PTPRK: variants seen among roughly 807,000 people sequenced by gnomAD.
The protein encoded by PTPRK is protein tyrosine phosphatase receptor type K.
PTPRK carries 75 observed loss-of-function variants against 178.0 expected under a neutral mutation model. The observed-to-expected ratio is 0.42, with a 90% confidence interval of 0.35 to 0.51. The LOEUF is 0.51. Ranked by LOEUF, PTPRK falls within the 20% of genes least tolerant of loss-of-function variation. The probability of loss-of-function intolerance (pLI) is 0.02; values close to 1 mark genes in which losing one functional copy is unlikely to be tolerated. For synonymous variants in PTPRK, 637 were observed against 620.6 expected (o/e 1.03, Z -0.39); for missense variants, 1,441 against 1,797.8 (o/e 0.80, Z 3.59).
chr6:128,417,845 G>A (rs566471941), intron 1 of PTPRK, among the ~76,000 whole-genome samples: 21 of 152,224 alleles, frequency 1.4e-4, no homozygotes, highest in African/African-American at 3.9e-4. Context: ...AAAAAGGAAC[G>A]TGGTCCTTTT....
chr6:128,490,872 A>G (rs1853664547), intron 1 of PTPRK, among the ~76,000 whole-genome samples: 2 of 152,070 alleles, frequency 1.3e-5, no homozygotes, highest in African/African-American at 2.4e-5. Context: ...TTCTGTCTTC[A>G]TTTCTGTGAA....
At position 128,067,857 on chromosome 6, in the gene PTPRK, A is replaced by G; in HGVS notation, c.1884-65T>C. The G allele has an allele frequency of 2.1e-6, 3 of 1,404,978 alleles. No homozygotes were observed. In the East Asian group the frequency reaches 7.2e-5, roughly 34 times the overall value. 87.0% of individuals were successfully genotyped at this position (1,404,978 alleles called of 1,614,324 possible). ...CACATATTTAGAGATTTAAGATACT[A>G]AGATTTTTTTTAAGGGGTTGACTAT... is the stretch of plus-strand genomic sequence containing the variant. On this transcript the variant is annotated intron_variant, in intron 11 of 29. Transcript: ENST00000368226.
intron 2 of PTPRK, among the ~76,000 whole-genome samples, chr6:128,397,338 GA>G (rs1460019647): frequency 6.7e-6 from 1 of 150,024 alleles, no homozygotes; most frequent in Non-Finnish European, 1.5e-5. Context: ...TTATTAAATA[GA>G]AAAAAACACT....
At chr6:128,358,985 A>G (rs1451898413) in intron 2 of PTPRK, among the ~76,000 whole-genome samples, 1 of 152,134 alleles carries the variant, frequency 6.6e-6, no homozygotes, top group Non-Finnish European at 1.5e-5. Flanking sequence ...TGTGATACTT[A>G]TTGCTCCCGG....
At chr6:128,418,503 G>T (rs1408457890) in intron 1 of PTPRK, among the ~76,000 whole-genome samples, 1 of 152,160 alleles carries the variant, frequency 6.6e-6, no homozygotes, top group Non-Finnish European at 1.5e-5. Context: ...CACATGTGAG[G>T]GATCTAGGTT....
intron 2 of PTPRK, among the ~76,000 whole-genome samples, chr6:128,361,995 G>A (rs530384046): frequency 1.3e-4 from 20 of 152,056 alleles, no homozygotes; most frequent in African/African-American, 4.3e-4. Flanking sequence ...TTTATCTTTC[G>A]TATCTTAGAG....
At chr6:128,071,553 T>C (rs1782830399) in intron 11 of PTPRK, among the ~76,000 whole-genome samples, 1 of 152,086 alleles carries the variant, frequency 6.6e-6, no homozygotes, top group South Asian at 2.1e-4. Flanking sequence ...ATATGAAAAG[T>C]ATCTTTCCTT....
chr6:128,357,515 G>A (rs905524123), intron 2 of PTPRK, among the ~76,000 whole-genome samples: 1 of 152,122 alleles, frequency 6.6e-6, no homozygotes, highest in Non-Finnish European at 1.5e-5. Flanking sequence ...AGGTCTAGGT[G>A]GGGACCCCAG....
chr6:128,016,160 C>T (rs1779569244), intron 13 of PTPRK, among the ~76,000 whole-genome samples: 2 of 151,696 alleles, frequency 1.3e-5, no homozygotes, highest in South Asian at 4.2e-4. Context: ...TTACAAAAGA[C>T]AGATTAAGAA....
chr6:128,368,709 G>C (rs550146072), intron 2 of PTPRK, among the ~76,000 whole-genome samples: 57 of 152,148 alleles, frequency 3.7e-4, no homozygotes, highest in Non-Finnish European at 6.5e-4. Context: ...AAGTAGCTAC[G>C]TGCTCTTCAC....
intron 2 of PTPRK, among the ~76,000 whole-genome samples, chr6:128,342,311 C>A (rs540055385): frequency 1.1e-3 from 171 of 151,994 alleles, no homozygotes; most frequent in African/African-American, 3.2e-3. Context: ...AGCACACACA[C>A]AAAAAAATTT....
At position 128,009,265 on chromosome 6, in the gene PTPRK, G is replaced by T; in HGVS notation, c.2198C>A (p.Ala733Glu). The change falls in exon 14 of 30, where the codon GCA (alanine) becomes GAA (glutamate). Residue 733 changes from alanine (A) to glutamate (E), a missense_variant. By Grantham distance (107) the Ala-to-Glu change is moderately radical. Transcript: ENST00000368226. ...TQCVRIATKA[A>E]ATEEPEVIPD... The stretch of plus-strand genomic sequence containing the variant: ...GATCACTTCTGGTTCTTCTGTTGCT[G>T]CTGCTAAATGGATAAAAAAAAAAAT... 1 of 1,598,276 alleles carries T rather than the reference G, an allele frequency of 6.3e-7. No individual in the cohort carries two copies. Among genetic ancestry groups the T allele is most frequent in the Non-Finnish European group, 8.5e-7 (1 of 1,172,658 alleles).
chr6:128,140,461 G>T (rs1795617338), intron 7 of PTPRK, among the ~76,000 whole-genome samples: 1 of 151,850 alleles, frequency 6.6e-6, no homozygotes. Context: ...TACTTTACCA[G>T]GTCCATCCCT....
chr6:128,221,012 A>T lies in PTPRK; in HGVS notation c.694-1916T>A, dbSNP rs143785999. 1.7e-3 allele frequency among the ~76,000 whole-genome samples: 263 copies of T among 152,316 alleles called. 1 individual carries two copies. The highest frequency in any genetic ancestry group is 6.3e-3 in the African/African-American group (260 of 41,576). The stretch of plus-strand genomic sequence containing the variant: ...ATTTCTGGCACTCATTGGTTCCAGC[A>T]TTCCACTGATTAGTACTACATGTAT... On this transcript the variant is annotated intron_variant, in intron 5 of 29. Coordinates refer to ENST00000368226, the MANE Select transcript of PTPRK (RefSeq NM_002844.4).
chr6:128,298,366 G>A (rs57456285), intron 3 of PTPRK, among the ~76,000 whole-genome samples: 6,319 of 149,396 alleles, frequency 0.042, 477 homozygotes, highest in African/African-American at 0.15. Context: ...GGAATCCTCT[G>A]TAGCTCATTT....
intron 1 of PTPRK, among the ~76,000 whole-genome samples, chr6:128,402,415 T>C (rs1584543440): frequency 6.6e-6 from 1 of 151,928 alleles, no homozygotes; most frequent in South Asian, 2.1e-4. Flanking sequence ...ACCATGCCCA[T>C]CTAATTTTTG....
intron 3 of PTPRK, among the ~76,000 whole-genome samples, chr6:128,280,824 T>C (rs1307906229): frequency 6.6e-6 from 1 of 152,118 alleles, no homozygotes; most frequent in African/African-American, 2.4e-5. Flanking sequence ...TTTAGAAAAA[T>C]CTGGAAAATG....
Position 127,982,938 on chromosome 6 carries a change from A to T in PTPRK, c.3430T>A (p.Leu1144Ile). 1 of 1,613,426 alleles carries T rather than the reference A, an allele frequency of 6.2e-7. No individual in the cohort carries two copies. Among genetic ancestry groups the T allele is most frequent in the East Asian group, 2.2e-5 (1 of 44,800 alleles). The change falls in exon 24 of 30, where the codon TTA (leucine) becomes ATA (isoleucine). Residue 1144 changes from leucine to isoleucine, a missense_variant. This residue lies in a region of PTPRK where 335 missense variants were observed against 512.4 expected (regional missense o/e 0.65). Transcript: ENST00000368226. The stretch of plus-strand genomic sequence containing the variant: ...ACAGGTATGGCAGTTTCTCCACATA[A>T]GCAGGCTTCTAAAATGGCATCATGA... ...FIHDAILEACLCGETAIPVCE... is the reference protein window; with the variant it reads ...FIHDAILEACICGETAIPVCE...
intron 1 of PTPRK, among the ~76,000 whole-genome samples, chr6:128,448,863 T>C (rs1847377953): frequency 6.6e-6 from 1 of 152,172 alleles, no homozygotes; most frequent in Non-Finnish European, 1.5e-5. Flanking sequence ...TGTTTGTTTT[T>C]GTTTTTGTTT....
Sources: allele counts gnomAD v4.1 joint callset (sites outside exome capture counted in the v4.1 genomes callset), GRCh38; gene constraint gnomAD v4.1.1; regional missense constraint gnomAD v4.1.1; transcripts MANE v1.5; gene names NCBI Gene and HGNC (gene_info 2026-07-23, HGNC 2026-07-21).